Variants in GRIA3 observed in about 807,000 individuals in gnomAD.
GRIA3 encodes the protein glutamate receptor 3.
In GRIA3, 3 loss-of-function variants were observed where a neutral mutation model predicts 63.0. That is an observed-to-expected ratio of 0.05 (90% CI 0.02 to 0.12). The LOEUF is 0.12. Ranked by LOEUF, GRIA3 falls within the 10% of genes least tolerant of loss-of-function variation. The pLI is 1.00. For missense variants in GRIA3, 347 were observed against 700.9 expected, an observed-to-expected ratio of 0.50 and a Z score of 5.70; for synonymous variants, 274 against 257.9, an observed-to-expected ratio of 1.06 and a Z score of -0.60.
At chrX:123,273,838 G>T (rs1218791977) in intron 3 of GRIA3, among the ~76,000 whole-genome samples, 1 of 112,260 alleles carries the variant, frequency 8.9e-6, no homozygotes, top group Non-Finnish European at 1.9e-5. Context: ...GAGATGATCA[G>T]TGAACTCACC....
chrX:123,445,775 C>T lies in GRIA3; in HGVS notation c.2076+17636C>T, dbSNP rs955517110. On this transcript the variant is annotated intron_variant, in intron 12 of 15. Coordinates refer to ENST00000620443, the MANE Select transcript of GRIA3 (RefSeq NM_007325.5). ...CAGAGATCCCTTAGTGCATTTAGTG[C>T]ATTTGGGTGCTAACAGATCATTAAC... 5.4e-5 allele frequency among the ~76,000 whole-genome samples: 6 copies of T among 112,111 alleles called. No individual in the cohort carries two copies. The Admixed American group carries it at 5.7e-4, about 11-fold the overall frequency.
intron 5 of GRIA3, among the ~76,000 whole-genome samples, chrX:123,384,958 C>A (rs1194322490): frequency 8.9e-6 from 1 of 112,220 alleles, no homozygotes; most frequent in Non-Finnish European, 1.9e-5. Flanking sequence ...TGTCTGTTTA[C>A]TCTGTTGATA....
At chrX:123,479,889 T>G (rs1181296776) in intron 13 of GRIA3, among the ~76,000 whole-genome samples, 174 bp from the exon 14 acceptor site, 1 of 112,336 alleles carries the variant, frequency 8.9e-6, no homozygotes, top group Non-Finnish European at 1.9e-5. Context: ...AAATATAGCG[T>G]TGCTGTAGTG....
intron 11 of GRIA3, among the ~76,000 whole-genome samples, chrX:123,420,148 C>A (rs1399842495): frequency 9.0e-6 from 1 of 111,565 alleles, no homozygotes; most frequent in East Asian, 2.8e-4. Flanking sequence ...TGACCAGAGT[C>A]AATTATACAA....
chrX:123,254,590 T>G (rs1165719284), intron 3 of GRIA3, among the ~76,000 whole-genome samples: 2 of 112,226 alleles, frequency 1.8e-5, no homozygotes, highest in African/African-American at 6.5e-5. Flanking sequence ...TCTAAGTAAC[T>G]TAACTTGAAC....
At chrX:123,374,646 G>T (rs1355632256) in intron 5 of GRIA3, among the ~76,000 whole-genome samples, 1 of 111,418 alleles carries the variant, frequency 9.0e-6, no homozygotes, top group Non-Finnish European at 1.9e-5. Context: ...CTCATGATTT[G>T]GCTCTCTGTC....
intron 5 of GRIA3, among the ~76,000 whole-genome samples, chrX:123,363,278 C>G (rs1436311286): frequency 8.9e-6 from 1 of 111,926 alleles, no homozygotes; most frequent in Admixed American, 9.5e-5. Context: ...TCATCAACTC[C>G]TAAAAGTCAC....
intron 4 of GRIA3, among the ~76,000 whole-genome samples, chrX:123,338,573 C>G (rs936000577): frequency 8.9e-6 from 1 of 112,134 alleles, no homozygotes; most frequent in Non-Finnish European, 1.9e-5. Flanking sequence ...TTTATTGAGA[C>G]AGAGTCTTGC....
intron 2 of GRIA3, among the ~76,000 whole-genome samples, chrX:123,193,826 T>C (rs1371655899): frequency 9.0e-6 from 1 of 111,506 alleles, no homozygotes; most frequent in Non-Finnish European, 1.9e-5. Context: ...TCTGTTCAGA[T>C]TACCACCTGT....
In GRIA3 at chrX:123,223,445, T is replaced by C. The variant is rs148073708; in HGVS notation, c.269-29858T>C. On this transcript the variant is annotated intron_variant, in intron 2 of 15. Transcript: ENST00000620443. ...AAACATTCCTGTGCTCTGGGCTTAC[T>C]GAGAGCAGACATGCCAAGGATTTAG... Among the ~76,000 whole-genome samples, 637 of 112,677 alleles carry C rather than the reference T, an allele frequency of 5.7e-3. 4 individuals carry two copies. The highest frequency in any genetic ancestry group is 0.019 in the African/African-American group (575 of 31,016).
At chrX:123,425,406 C>T (rs2045584474) in intron 11 of GRIA3, among the ~76,000 whole-genome samples, 1 of 111,974 alleles carries the variant, frequency 8.9e-6, no homozygotes, top group African/African-American at 3.2e-5. Context: ...CAGAGTCTGG[C>T]ACACAAGAAG....
At chrX:123,429,922 G>A (rs1473508881) in intron 12 of GRIA3, among the ~76,000 whole-genome samples, 2 of 111,862 alleles carry the variant, frequency 1.8e-5, no homozygotes, top group Non-Finnish European at 3.8e-5. Flanking sequence ...GCTTTCAAAG[G>A]CCATTCATCC....
chrX:123,483,589 A>C (rs1401983457), intron 15 of GRIA3, among the ~76,000 whole-genome samples: 1 of 112,255 alleles, frequency 8.9e-6, no homozygotes, highest in Non-Finnish European at 1.9e-5. Context: ...GCCAGTGGTT[A>C]TTGTATTGGA....
At chrX:123,320,832 CCTTAG>C (rs748943836) in intron 3 of GRIA3, among the ~76,000 whole-genome samples, 48 of 111,622 alleles carry the variant, frequency 4.3e-4, no homozygotes, top group Non-Finnish European at 5.1e-4. Flanking sequence ...ACCTGCCTCA[CCTTAG>C]CTCCAGCTCT....
At chrX:123,485,270 A>T (rs181027705) in intron 15 of GRIA3, among the ~76,000 whole-genome samples, 1 of 112,213 alleles carries the variant, frequency 8.9e-6, no homozygotes, top group Non-Finnish European at 1.9e-5. Flanking sequence ...TGGCCTCCAA[A>T]TAAATAATAC....
chrX:123,196,940 C>A (rs906313751), intron 2 of GRIA3, among the ~76,000 whole-genome samples: 2 of 111,830 alleles, frequency 1.8e-5, no homozygotes, highest in African/African-American at 6.5e-5. Context: ...ACTAACTGAC[C>A]CATATATACA....
rs1207162828 is a variant in GRIA3 at position 123,463,624 on chromosome X, GAAAGAAAGAAAGAAA to G, written c.2077-1240_2077-1226del. ...GGAGGGAGGGAGGGAAAGAAAGAAA[GAAAGAAAGAAAGAAA>G]GAAAGAAAGAAAGAAAGAAAGAAAG... On this transcript the variant is annotated intron_variant, in intron 12 of 15. Coordinates refer to ENST00000620443, the MANE Select transcript of GRIA3 (RefSeq NM_007325.5). Among the ~76,000 whole-genome samples the G allele has an allele frequency of 1.5e-4, 4 of 26,566 alleles. 1 individual carries two copies. The highest frequency in any genetic ancestry group is 9.7e-4 in the African/African-American group (4 of 4,134). The allele number at this position is 26,566 out of a possible 115,157, so 23.1% of individuals were successfully genotyped here.
At chrX:123,250,720 A>C (rs1417279444) in intron 2 of GRIA3, among the ~76,000 whole-genome samples, 1 of 111,623 alleles carries the variant, frequency 9.0e-6, no homozygotes, top group Non-Finnish European at 1.9e-5. Flanking sequence ...TAGTAAGGAG[A>C]GGTTCTTTCT....
At chrX:123,310,613 G>A (rs977212563) in intron 3 of GRIA3, among the ~76,000 whole-genome samples, 2 of 112,947 alleles carry the variant, frequency 1.8e-5, no homozygotes, top group East Asian at 2.8e-4. Context: ...GGGTAAGGGA[G>A]CAGAAATCTT....
Sources: allele counts gnomAD v4.1 joint callset (sites outside exome capture counted in the v4.1 genomes callset), GRCh38; gene constraint gnomAD v4.1.1; transcripts MANE v1.5; gene names NCBI Gene and HGNC (gene_info 2026-07-23, HGNC 2026-07-21).